CDH18: variants seen among roughly 807,000 people sequenced by gnomAD.
CDH18 encodes the protein cadherin 18.
CDH18 carries 31 observed loss-of-function variants against 67.9 expected under a neutral mutation model. The observed-to-expected ratio is 0.46, with a 90% CI of 0.34 to 0.62. The LOEUF (loss-of-function observed/expected upper bound fraction) is 0.62. CDH18 is among the 20% of genes least tolerant of loss of function. The probability of loss-of-function intolerance (pLI) is 0.01; values close to 1 mark genes in which losing one functional copy is unlikely to be tolerated. For synonymous variants in CDH18, 362 were observed against 347.2 expected (o/e 1.04, Z -0.48); for missense variants, 890 against 975.5 (o/e 0.91, Z 1.17).
intron 5 of CDH18, among the ~76,000 whole-genome samples, chr5:19,681,630 A>T (rs1438437572): frequency 6.6e-6 from 1 of 152,038 alleles, no homozygotes; most frequent in Non-Finnish European, 1.5e-5. Context: ...AACAAATGTA[A>T]GAACCAAAAT....
chr5:19,754,105 C>A (rs1771213557), intron 3 of CDH18, among the ~76,000 whole-genome samples: 1 of 151,530 alleles, frequency 6.6e-6, no homozygotes. Context: ...CAAAAAAACC[C>A]CCAAAAAACC....
intron 2 of CDH18, among the ~76,000 whole-genome samples, chr5:20,088,584 T>A (rs1027443052): frequency 2.6e-5 from 4 of 152,278 alleles, no homozygotes; most frequent in African/African-American, 9.6e-5. Flanking sequence ...GGCCAGCATA[T>A]GGCAGACTGT....
chr5:19,498,610 A>AT (rs755538512), intron 11 of CDH18, among the ~76,000 whole-genome samples: 1 of 152,136 alleles, frequency 6.6e-6, no homozygotes, highest in Non-Finnish European at 1.5e-5. Context: ...ATTATGATTG[A>AT]TTTTTTAAAG....
At chr5:19,742,440 C>T (rs1415197059) in intron 4 of CDH18, among the ~76,000 whole-genome samples, 1 of 151,770 alleles carries the variant, frequency 6.6e-6, no homozygotes, top group Non-Finnish European at 1.5e-5. Context: ...ACACACATCC[C>T]AAGCTGGACT....
intron 2 of CDH18, among the ~76,000 whole-genome samples, chr5:20,031,596 G>A (rs1739405563): frequency 6.6e-6 from 1 of 151,972 alleles, no homozygotes; most frequent in Non-Finnish European, 1.5e-5. Context: ...GACCCTGGCT[G>A]TGAAGGGAAT....
chr5:20,296,093 C>CT (rs1387458391), intron 1 of CDH18, among the ~76,000 whole-genome samples: 8 of 151,508 alleles, frequency 5.3e-5, no homozygotes, highest in Non-Finnish European at 7.4e-5. Flanking sequence ...CCAGCCTGGT[C>CT]TTGAACAGCT....
At chr5:19,744,380 G>C (rs6451417) in intron 4 of CDH18, among the ~76,000 whole-genome samples, 107,535 of 152,028 alleles carry the variant, frequency 0.71, 42,113 homozygotes, top group Non-Finnish European at 0.87. Context: ...ACTTTGACTT[G>C]TTCCCAAGTC....
At chr5:20,046,789 T>G (rs1740934963) in intron 2 of CDH18, among the ~76,000 whole-genome samples, 1 of 151,632 alleles carries the variant, frequency 6.6e-6, no homozygotes, top group Non-Finnish European at 1.5e-5. Flanking sequence ...TTCACAGCGC[T>G]TTTCGAGAGC....
At chr5:20,015,129 G>A (rs557133009) in intron 2 of CDH18, among the ~76,000 whole-genome samples, 3 of 152,246 alleles carry the variant, frequency 2.0e-5, no homozygotes, top group African/African-American at 7.2e-5. Flanking sequence ...CTATCTGCAT[G>A]GTAGATTTGC....
intron 2 of CDH18, among the ~76,000 whole-genome samples, chr5:20,164,935 A>C (rs946401657): frequency 6.6e-6 from 1 of 152,138 alleles, no homozygotes; most frequent in African/African-American, 2.4e-5. Context: ...GTGCCTTTTT[A>C]CTTCCTGATT....
At chr5:20,054,601 T>C (rs1031973089) in intron 2 of CDH18, among the ~76,000 whole-genome samples, 1 of 152,184 alleles carries the variant, frequency 6.6e-6, no homozygotes, top group African/African-American at 2.4e-5. Flanking sequence ...TAGTTTCTGC[T>C]GCATTATACC....
In CDH18 at chr5:19,838,925, C is replaced by T; in HGVS notation, c.62G>A (p.Arg21Lys). Residue 21 changes from arginine to lysine, a missense_variant, in exon 3 of 13, where the codon AGG becomes AAG. Physicochemically the swap from Arg to Lys is conservative, Grantham distance 26. Transcript: ENST00000382275. ...GCTGTGGTGAGCAGTTCCATAACACCTCTGCACAAAACAGAGACACACTAG... is the reference window on the plus strand; with the variant it reads ...GCTGTGGTGAGCAGTTCCATAACACTTCTGCACAAAACAGAGACACACTAG... ...PVLVCLCFVQ[R>K]CYGTAHHSSI... 1 of 1,614,104 alleles carries T rather than the reference C, an allele frequency of 6.2e-7. No individual in the cohort carries two copies. The highest frequency in any genetic ancestry group is 2.2e-5 in the East Asian group (1 of 44,854).
intron 5 of CDH18, among the ~76,000 whole-genome samples, chr5:19,713,813 C>T (rs560437902): frequency 1.3e-5 from 2 of 152,102 alleles, no homozygotes; most frequent in Admixed American, 1.3e-4. Flanking sequence ...TGTCCTTTTG[C>T]AGTTTGATAT....
chr5:19,509,343 T>A (rs1005793911), intron 10 of CDH18, among the ~76,000 whole-genome samples: 2 of 152,014 alleles, frequency 1.3e-5, no homozygotes, highest in African/African-American at 4.8e-5. Flanking sequence ...TTGGGCACAA[T>A]GTTCACTATT....
rs570156670 is a variant in CDH18, at chr5:20,430,063, G to A, written c.-580+145399C>T. On this transcript the variant is annotated intron_variant, in intron 1 of 14. Transcript: ENST00000507958. ...TTTATATAATGCTTAAGTGAGAGGC[G>A]CAAAGAACTAGGGCCATAACACTCT... 1.2e-4 allele frequency among the ~76,000 whole-genome samples: 19 copies of A among 152,128 alleles called. No homozygotes were observed. In the South Asian group the frequency reaches 1.5e-3, roughly 12 times the overall value.
intron 5 of CDH18, among the ~76,000 whole-genome samples, chr5:19,633,179 A>C (rs1752655796): frequency 1.3e-5 from 2 of 152,222 alleles, no homozygotes; most frequent in Admixed American, 6.5e-5. Context: ...TTTACACTTC[A>C]TTCTTGCTAT....
chr5:20,114,443 G>A (rs568206018), intron 2 of CDH18, among the ~76,000 whole-genome samples: 8 of 152,212 alleles, frequency 5.3e-5, no homozygotes, highest in African/African-American at 1.7e-4. Flanking sequence ...CATAAGGAGT[G>A]ACTAGTCAAA....
At chr5:19,995,060 T>C (rs2150392910) in intron 2 of CDH18, among the ~76,000 whole-genome samples, 1 of 151,036 alleles carries the variant, frequency 6.6e-6, no homozygotes, top group East Asian at 2.0e-4. Context: ...AGAAAGCAAA[T>C]TTGTCCTTTC....
At chr5:20,242,635 T>C (rs1411628514) in intron 2 of CDH18, among the ~76,000 whole-genome samples, 23 of 95,854 alleles carry the variant, frequency 2.4e-4, no homozygotes, top group African/African-American at 6.1e-4. Context: ...TATATATATG[T>C]ATATATATAT....
Sources: gnomAD v4.1 joint callset for allele counts (sites outside exome capture counted in the v4.1 genomes callset) on GRCh38, gnomAD v4.1.1 for gene constraint, MANE v1.5 for transcripts, NCBI Gene and HGNC (gene_info 2026-07-23, HGNC 2026-07-21) for gene names.